Variants in ZBTB20 observed in about 807,000 individuals in gnomAD.
ZBTB20 encodes zinc finger and BTB domain-containing protein 20.
Under a neutral mutation model 56.9 loss-of-function variants are expected in ZBTB20, and 9 were observed. The observed-to-expected ratio is 0.16, with a 90% CI of 0.10 to 0.28. The LOEUF is 0.28. Ranked by LOEUF, ZBTB20 falls within the 10% of genes least tolerant of loss-of-function variation. The pLI, the probability that ZBTB20 is intolerant of heterozygous loss-of-function variation, is 1.00. For synonymous variants in ZBTB20, 417 were observed against 420.7 expected (o/e 0.99, Z 0.11); for missense variants, 655 against 1,003.0 (o/e 0.65, Z 4.69).
At position 114,322,188 on chromosome 3, in the gene ZBTB20, A is replaced by C. The variant is rs2078918165; in HGVS notation, c.*16817T>G. The C allele has an allele frequency of 1.3e-5, 2 of 152,264 alleles. No individual in the cohort carries two copies. The highest frequency in any genetic ancestry group is 1.3e-4 in the Admixed American group (2 of 15,274). The allele number at this position is 152,264 out of a possible 1,614,324, so 9.4% of individuals were successfully genotyped here. ...AGTGACCTTTGTTTGGTTCTAAATGATTTAGCTCACTCTCTTCCATGGAAG... is the reference window on the plus strand; with the variant it reads ...AGTGACCTTTGTTTGGTTCTAAATGCTTTAGCTCACTCTCTTCCATGGAAG... On this transcript the variant is annotated 3_prime_UTR_variant, in exon 12 of 12. Transcript: ENST00000675478.
chr3:114,669,640 C>G (rs556721103), intron 6 of ZBTB20, among the ~76,000 whole-genome samples: 2 of 150,746 alleles, frequency 1.3e-5, no homozygotes, highest in Admixed American at 1.3e-4. Context: ...AAAAAAAAAA[C>G]TAGCCCAAAT....
chr3:114,472,773 C>T (rs2040288370), intron 7 of ZBTB20, among the ~76,000 whole-genome samples: 1 of 151,974 alleles, frequency 6.6e-6, no homozygotes, highest in African/African-American at 2.4e-5. Context: ...ATACAGCATG[C>T]TGTTGACCCT....
rs556130765 is a variant in ZBTB20, at chr3:115,034,414, C to T, written c.-507+36805G>A. Reference sequence around the variant, plus strand: ...AGCAGCAGGATAAAAAAAATCATCACGCAAAAATCAGTCACATTGCTACAC... The same window carrying T: ...AGCAGCAGGATAAAAAAAATCATCATGCAAAAATCAGTCACATTGCTACAC... On this transcript the variant is annotated intron_variant, in intron 2 of 11. Coordinates refer to ENST00000675478, the MANE Select transcript of ZBTB20 (RefSeq NM_001348800.3). 6.6e-5 allele frequency among the ~76,000 whole-genome samples: 10 copies of T among 151,248 alleles called. No homozygotes were observed. In the South Asian group the frequency reaches 1.9e-3, roughly 28 times the overall value.
chr3:114,994,238 A>G (rs1359980083), intron 2 of ZBTB20, among the ~76,000 whole-genome samples: 1 of 152,022 alleles, frequency 6.6e-6, no homozygotes, highest in Non-Finnish European at 1.5e-5. Flanking sequence ...CATGAAATGT[A>G]AGAAAAATAT....
intron 8 of ZBTB20, among the ~76,000 whole-genome samples, chr3:114,384,729 G>A (rs562663934): frequency 2.9e-4 from 44 of 152,340 alleles, no homozygotes; most frequent in African/African-American, 1.1e-3. Flanking sequence ...GTTTTAGGCT[G>A]AAACATAGCA....
chr3:114,371,529 T>G (rs555926585), intron 10 of ZBTB20, among the ~76,000 whole-genome samples: 1 of 152,348 alleles, frequency 6.6e-6, no homozygotes, highest in South Asian at 2.1e-4. Flanking sequence ...AGACTCTAAG[T>G]CTCTGAGCCT....
At chr3:114,551,858 A>T (rs1443193955) in intron 6 of ZBTB20, among the ~76,000 whole-genome samples, 2 of 152,206 alleles carry the variant, frequency 1.3e-5, no homozygotes, top group African/African-American at 4.8e-5. Flanking sequence ...TTCCAAAGAA[A>T]TAAAGCTCAC....
intron 6 of ZBTB20, among the ~76,000 whole-genome samples, chr3:114,539,678 C>T (rs1266467203): frequency 2.0e-5 from 3 of 152,026 alleles, no homozygotes; most frequent in African/African-American, 4.8e-5. Flanking sequence ...TCTACTGTAC[C>T]ACTCTATTAT....
chr3:114,590,459 A>G (rs886362853), intron 6 of ZBTB20, among the ~76,000 whole-genome samples: 2 of 151,046 alleles, frequency 1.3e-5, no homozygotes, highest in Non-Finnish European at 3.0e-5. Flanking sequence ...ACTCCGTCTC[A>G]AAAAATAAAA....
intron 4 of ZBTB20, among the ~76,000 whole-genome samples, chr3:114,847,449 GT>G (rs1419817943): frequency 6.6e-6 from 1 of 152,146 alleles, no homozygotes; most frequent in Non-Finnish European, 1.5e-5. Context: ...TACTGGGAGG[GT>G]GGGGGATGAA....
intron 6 of ZBTB20, among the ~76,000 whole-genome samples, chr3:114,552,714 CA>C (rs1192377590): frequency 6.6e-6 from 1 of 152,060 alleles, no homozygotes; most frequent in African/African-American, 2.4e-5. Flanking sequence ...CAATTTGATT[CA>C]TGTTTGTTGT....
At chr3:114,834,700 A>G (rs912607616) in intron 4 of ZBTB20, among the ~76,000 whole-genome samples, 3 of 151,836 alleles carry the variant, frequency 2.0e-5, no homozygotes, top group African/African-American at 7.3e-5. Flanking sequence ...GAGGGCTGCA[A>G]ACTGTCTGGA....
intron 2 of ZBTB20, among the ~76,000 whole-genome samples, chr3:115,026,828 G>A (rs991290195): frequency 5.3e-5 from 8 of 150,196 alleles, no homozygotes; most frequent in Non-Finnish European, 7.5e-5. Context: ...AAACATTGCG[G>A]GAGGAAAATA....
intron 4 of ZBTB20, among the ~76,000 whole-genome samples, chr3:114,885,707 T>C (rs145399161): frequency 3.3e-5 from 5 of 152,318 alleles, no homozygotes; most frequent in South Asian, 2.1e-4. Flanking sequence ...TTTCAGGGAT[T>C]ACTTAATTTT....
At chr3:114,562,797 G>A (rs961030436) in intron 6 of ZBTB20, among the ~76,000 whole-genome samples, 2 of 152,172 alleles carry the variant, frequency 1.3e-5, no homozygotes, top group Admixed American at 6.6e-5. Context: ...AGGAGAGGGA[G>A]AGAGATGAAG....
At chr3:114,859,412 C>T (rs2075406306) in intron 4 of ZBTB20, among the ~76,000 whole-genome samples, 2 of 150,592 alleles carry the variant, frequency 1.3e-5, no homozygotes, top group African/African-American at 4.9e-5. Context: ...TTTTCTCGTG[C>T]TTCTCTCCCT....
At chr3:114,424,793 G>T (rs1010878429) in intron 7 of ZBTB20, among the ~76,000 whole-genome samples, 3 of 152,076 alleles carry the variant, frequency 2.0e-5, no homozygotes, top group Non-Finnish European at 4.4e-5. Context: ...AGTAAGCAAG[G>T]CATGGCACAT....
chr3:114,675,237 T>C (rs1042401522), intron 6 of ZBTB20, among the ~76,000 whole-genome samples: 3 of 151,756 alleles, frequency 2.0e-5, no homozygotes, highest in South Asian at 2.1e-4. Context: ...ACTGACAGCA[T>C]TGTCTGAAAG....
intron 6 of ZBTB20, among the ~76,000 whole-genome samples, chr3:114,615,668 T>C (rs1373531991): frequency 6.6e-6 from 1 of 152,220 alleles, no homozygotes; most frequent in Non-Finnish European, 1.5e-5. Flanking sequence ...CCCTTAAGCC[T>C]GTATCAGCTG....
Sources: allele counts gnomAD v4.1 joint callset (sites outside exome capture counted in the v4.1 genomes callset), GRCh38; gene constraint gnomAD v4.1.1; transcripts MANE v1.5; gene names NCBI Gene and HGNC (gene_info 2026-07-23, HGNC 2026-07-21).